The following PARP15 variants were observed in gnomAD, a reference collection of about 807,000 sequenced individuals.
PARP15 encodes the protein protein mono-ADP-ribosyltransferase PARP15.
A neutral mutation model predicts 62.1 loss-of-function variants in PARP15; 50 were observed. That is an observed-to-expected ratio of 0.81 (90% CI 0.64 to 1.02). The LOEUF (loss-of-function observed/expected upper bound fraction) is 1.02. PARP15 is among the 50% of genes least tolerant of loss of function. The pLI, the probability that PARP15 is intolerant of heterozygous loss-of-function variation, is 0.00. For missense variants in PARP15, 820 were observed against 826.5 expected (o/e 0.99, Z 0.10); for synonymous variants, 309 against 293.1 (o/e 1.05, Z -0.55).
At position 122,617,183 on chromosome 3, in the gene PARP15, A is replaced by G. The variant is rs1936032803; in HGVS notation, c.1000+19A>G. On this transcript the variant is annotated intron_variant, in intron 6 of 11. Coordinates refer to ENST00000464300, the MANE Select transcript of PARP15 (RefSeq NM_001113523.3). ...AAATCAGGTACTTTATTTAAGCAAT[A>G]TATTGTAATTATTAGTATGACTAAT... is the stretch of plus-strand genomic sequence containing the variant. 6 of 1,598,616 alleles carry G rather than the reference A, an allele frequency of 3.8e-6. No homozygotes were observed. Among genetic ancestry groups the G allele is most frequent in the Non-Finnish European group, 5.1e-6 (6 of 1,168,028 alleles).
chr3:122,626,845 C>A lies in PARP15; in HGVS notation c.1250C>A (p.Pro417His), dbSNP rs777812073. The change falls in exon 9 of 12, where the codon CCT (proline) becomes CAT (histidine). Residue 417 changes from proline to histidine, a missense_variant. By Grantham distance (77) the Pro-to-His change is moderately conservative. Around this residue, in one of 3 missense-constraint regions of PARP15, gnomAD observed 731 missense variants for 727.7 expected, o/e 1.00. Coordinates refer to ENST00000464300, the MANE Select transcript of PARP15 (RefSeq NM_001113523.3). ...TTTTCAGGAAATGCCGGAAAAAACC[C>A]TATCACAGTTGCTGATAACATAATC... ...AIGTGNAGKN[P>H]ITVADNIIDA... The A allele has an allele frequency of 6.2e-7, 1 of 1,610,740 alleles. No homozygotes were observed. The highest frequency in any genetic ancestry group is 8.5e-7 in the Non-Finnish European group (1 of 1,179,174).
intron 4 of PARP15, among the ~76,000 whole-genome samples, chr3:122,614,890 C>T (rs1192031470): frequency 2.6e-5 from 4 of 151,622 alleles, no homozygotes; most frequent in South Asian, 2.1e-4. Context: ...ATTAGCCGGG[C>T]GTGGTGGTGT....
chr3:122,615,392 G>A, intron 4 of PARP15: 3 of 1,297,802 alleles, frequency 2.3e-6, no homozygotes, highest in Non-Finnish European at 3.0e-6. Flanking sequence ...TTGTTGCCCT[G>A]CCCCCTGCTC....
chr3:122,632,014 A>C (rs1937083849), intron 9 of PARP15, 72 bp from the exon 10 acceptor site: 2 of 1,563,086 alleles, frequency 1.3e-6, no homozygotes, highest in African/African-American at 2.7e-5. Context: ...AGACAAGTGC[A>C]GAGGAGGTGC....
At chr3:122,632,320 GTTTAT>G (rs1315703121) in intron 10 of PARP15, 101 bp downstream of exon 10, 8 of 1,148,668 alleles carry the variant, frequency 7.0e-6, no homozygotes, top group Non-Finnish European at 9.7e-6. Flanking sequence ...ACCTTACTAT[GTTTAT>G]TTTAACTGGA....
intron 2 of PARP15, among the ~76,000 whole-genome samples, chr3:122,607,567 G>T (rs1935240470): frequency 6.6e-6 from 1 of 152,074 alleles, no homozygotes; most frequent in African/African-American, 2.4e-5. Context: ...CCCTTATGAT[G>T]GGCCACTTTA....
At chr3:122,605,438 T>C (rs1192520804) in intron 1 of PARP15, among the ~76,000 whole-genome samples, 4 of 152,222 alleles carry the variant, frequency 2.6e-5, no homozygotes, top group African/African-American at 9.6e-5. Flanking sequence ...TTAAATACAA[T>C]TGATATTCAA....
At chr3:122,622,473 T>C (rs1198135953) in intron 8 of PARP15, among the ~76,000 whole-genome samples, 1 of 152,240 alleles carries the variant, frequency 6.6e-6, no homozygotes, top group Non-Finnish European at 1.5e-5. Flanking sequence ...CTGCTGAATC[T>C]TCTTCCAGAG....
At chr3:122,630,683 T>C (rs1194779250) in intron 9 of PARP15, among the ~76,000 whole-genome samples, 1 of 151,922 alleles carries the variant, frequency 6.6e-6, no homozygotes, top group African/African-American at 2.4e-5. Flanking sequence ...TGTCTCAAAA[T>C]AATAATAATA....
chr3:122,637,203 G>T lies in PARP15; in HGVS notation c.*1103G>T, dbSNP rs1472074651. ...ATTAGCAGTGACAATGATGCTAGAGGTCACCTACCCCACTGTCCTCTTGTC... is the reference window on the plus strand; with the variant it reads ...ATTAGCAGTGACAATGATGCTAGAGTTCACCTACCCCACTGTCCTCTTGTC... On this transcript the variant is annotated 3_prime_UTR_variant, in exon 12 of 12. Transcript: ENST00000464300. The T allele has an allele frequency of 1.3e-5, 2 of 152,086 alleles. No homozygotes were observed. Among genetic ancestry groups the T allele is most frequent in the African/African-American group, 4.8e-5 (2 of 41,372 alleles). The allele number at this position is 152,086 out of a possible 1,614,324, so 9.4% of individuals were successfully genotyped here.
Position 122,638,108 on chromosome 3 carries a change from G to C in PARP15, c.*2008G>C, listed in dbSNP as rs1414224255. 6.6e-6 allele frequency: 1 copy of C among 152,140 alleles called. No individual in the cohort carries two copies. The highest frequency in any genetic ancestry group is 1.5e-5 in the Non-Finnish European group (1 of 68,026). 9.4% of individuals were successfully genotyped at this position (152,140 alleles called of 1,614,324 possible). A position where few individuals can be genotyped will look rare whatever the true frequency, so the allele number is the denominator to read the frequency against. Reference sequence around the variant, plus strand: ...AATGATGGTTTCCAGCTTCATCCATGTCCCTACAAAGGACATGAACTCATC... The same window carrying C: ...AATGATGGTTTCCAGCTTCATCCATCTCCCTACAAAGGACATGAACTCATC... On this transcript the variant is annotated 3_prime_UTR_variant, in exon 12 of 12. Transcript: ENST00000464300.
chr3:122,625,379 G>C (rs529714570), intron 8 of PARP15, among the ~76,000 whole-genome samples: 1 of 151,958 alleles, frequency 6.6e-6, no homozygotes, highest in African/African-American at 2.4e-5. Context: ...TTAGCTTCCC[G>C]AGTAGCTGGG....
rs563863941 is a variant in PARP15 at position 122,615,471 on chromosome 3, G to C, written c.772-308G>C. 1.2e-4 allele frequency: 152 copies of C among 1,229,192 alleles called. 1 individual carries two copies. The South Asian group carries it at 2.2e-3, about 18-fold the overall frequency. The allele number at this position is 1,229,192 out of a possible 1,614,324, so 76.1% of individuals were successfully genotyped here. A position where few individuals can be genotyped will look rare whatever the true frequency, so the allele number is the denominator to read the frequency against. On this transcript the variant is annotated intron_variant, in intron 4 of 11. Transcript: ENST00000464300. The stretch of plus-strand genomic sequence containing the variant: ...AGATTAGAATTATGGGGCTTCAAAA[G>C]AGGAGGGATAACGATAGTGGTCACA...
At position 122,617,110 on chromosome 3, in the gene PARP15, G is replaced by T; in HGVS notation, c.946G>T (p.Glu316Ter). The change falls in exon 6 of 12, where the codon GAA (glutamate) becomes TAA (stop). Residue 316 changes from glutamate (E) to a stop codon, truncating the protein, a stop_gained. Coordinates refer to ENST00000464300, the MANE Select transcript of PARP15 (RefSeq NM_001113523.3). LOFTEE classifies it high-confidence loss of function. ...FQVATGDIAT[E>*]QVDVIVNSTA... ...GGTTGCTACTGGAGATATAGCCACTGAACAGGTAGATGTTATTGTAAACTC... is the reference window on the plus strand; with the variant it reads ...GGTTGCTACTGGAGATATAGCCACTTAACAGGTAGATGTTATTGTAAACTC... 6.2e-7 allele frequency: 1 copy of T among 1,614,064 alleles called. No homozygotes were observed. The highest frequency in any genetic ancestry group is 8.5e-7 in the Non-Finnish European group (1 of 1,179,928).
At chr3:122,615,903 C>G in intron 5 of PARP15, 46 bp downstream of exon 5, 1 of 1,547,218 alleles carries the variant, frequency 6.5e-7, no homozygotes, top group Non-Finnish European at 8.9e-7. Flanking sequence ...TTTTGCTGAG[C>G]AACTCTTCAG....
intron 1 of PARP15, chr3:122,594,632 T>A: frequency 2.2e-6 from 2 of 919,810 alleles, no homozygotes; most frequent in Non-Finnish European, 2.6e-6. Context: ...ACATAGAAAT[T>A]AGCATCTAAT....
At chr3:122,579,999 G>GTATATATATATATATATATA (rs59527124) in intron 1 of PARP15, among the ~76,000 whole-genome samples, 4 of 64,448 alleles carry the variant, frequency 6.2e-5, no homozygotes, top group African/African-American at 5.0e-5. Flanking sequence ...GCAACTATAT[G>GTATATATATATATATATATA]TATATATATA....
intron 1 of PARP15, among the ~76,000 whole-genome samples, chr3:122,598,565 A>AAG (rs958505422): frequency 1.3e-5 from 2 of 152,088 alleles, no homozygotes; most frequent in Non-Finnish European, 2.9e-5. Context: ...GGAAGAGGGA[A>AAG]AGAGAGAGAG....
intron 8 of PARP15, among the ~76,000 whole-genome samples, chr3:122,626,240 C>A (rs1307237581): frequency 6.0e-5 from 9 of 149,000 alleles, no homozygotes; most frequent in African/African-American, 2.3e-4. Context: ...GCTCTGTCGC[C>A]CAGGCTGGAG....
Sources: gnomAD v4.1 joint callset for allele counts (sites outside exome capture counted in the v4.1 genomes callset) on GRCh38, gnomAD v4.1.1 for gene constraint, gnomAD v4.1.1 regional missense constraint, MANE v1.5 for transcripts, NCBI Gene and HGNC (gene_info 2026-07-23, HGNC 2026-07-21) for gene names.